The following KCNT2 variants were observed in gnomAD, a reference collection of about 807,000 sequenced individuals.
KCNT2 encodes potassium sodium-activated channel subfamily T member 2.
KCNT2 carries 67 observed loss-of-function variants against 153.8 expected under a neutral mutation model. The observed-to-expected ratio is 0.44, with a 90% CI of 0.36 to 0.53. The LOEUF is 0.53. Among genes scored for constraint, KCNT2 ranks in the 20% least tolerant of loss-of-function variants. The pLI is 0.00. For missense variants in KCNT2, 975 were observed against 1,354.8 expected (o/e 0.72, Z 4.40); for synonymous variants, 500 against 458.8 (o/e 1.09, Z -1.15).
chr1:196,349,739 G>C (rs1041426834), intron 14 of KCNT2, among the ~76,000 whole-genome samples: 1 of 150,186 alleles, frequency 6.7e-6, no homozygotes, highest in Non-Finnish European at 1.5e-5. Flanking sequence ...TAAGTTTTAG[G>C]GTACATGTGC....
In KCNT2 at chr1:196,381,207, A is replaced by G. The variant is rs574619915; in HGVS notation, c.1295-7959T>C. Among the ~76,000 whole-genome samples, 6 of 152,284 alleles carry G rather than the reference A, an allele frequency of 3.9e-5. 1 individual carries two copies. Among genetic ancestry groups the G allele is most frequent in the African/African-American group, 1.2e-4 (5 of 41,566 alleles). Reference sequence around the variant, plus strand: ...CTTTTTTGATGTTTCAGGCTATTAAATACTCAAAAGGGGGCTCAAATTTCC... The same window carrying G: ...CTTTTTTGATGTTTCAGGCTATTAAGTACTCAAAAGGGGGCTCAAATTTCC... On this transcript the variant is annotated intron_variant, in intron 13 of 27. Coordinates refer to ENST00000294725, the MANE Select transcript of KCNT2 (RefSeq NM_198503.5).
rs891628065 is a variant in KCNT2 at position 196,447,947 on chromosome 1, G to C, written c.638+17346C>G. On this transcript the variant is annotated intron_variant, in intron 8 of 27. Transcript: ENST00000294725. ...CTAACTCTTACCAAAGGTCTGGAAA[G>C]AGAATGATATTAGGAAAAGTTAAAT... 6.6e-5 allele frequency among the ~76,000 whole-genome samples: 10 copies of C among 151,122 alleles called. No individual in the cohort carries two copies. In the South Asian group the frequency reaches 1.0e-3, roughly 16 times the overall value.
At chr1:196,578,590 T>C (rs1437287741) in intron 1 of KCNT2, among the ~76,000 whole-genome samples, 1 of 152,192 alleles carries the variant, frequency 6.6e-6, no homozygotes, top group Non-Finnish European at 1.5e-5. Context: ...CTGCAGGGGC[T>C]ATGTTAAAGT....
intron 1 of KCNT2, among the ~76,000 whole-genome samples, chr1:196,511,442 A>G (rs1681621868): frequency 6.6e-6 from 1 of 152,226 alleles, no homozygotes; most frequent in African/African-American, 2.4e-5. Context: ...ATTCTTTCTT[A>G]CAGCAGAAAT....
intron 14 of KCNT2, among the ~76,000 whole-genome samples, chr1:196,359,208 T>G (rs2148261832): frequency 6.6e-6 from 1 of 152,134 alleles, no homozygotes; most frequent in South Asian, 2.1e-4. Context: ...CTAGGCACCT[T>G]GTACCCTCAA....
rs1681820272 is a variant in KCNT2 at position 196,513,662 on chromosome 1, C to T, written c.96-21321G>A. Among the ~76,000 whole-genome samples, 5 of 152,174 alleles carry T rather than the reference C, an allele frequency of 3.3e-5. No homozygotes were observed. In the South Asian group the frequency reaches 1.0e-3, roughly 32 times the overall value. ...CCTTCAGCTCTCACTTTCTATGCTT[C>T]CTGAACCTTCTTCCTCCCTAGTCTT... On this transcript the variant is annotated intron_variant, in intron 1 of 27. Coordinates refer to ENST00000294725, the MANE Select transcript of KCNT2 (RefSeq NM_198503.5).
intron 1 of KCNT2, among the ~76,000 whole-genome samples, chr1:196,512,348 T>G (rs1296045476): frequency 6.6e-6 from 1 of 152,118 alleles, no homozygotes; most frequent in African/African-American, 2.4e-5. Context: ...TCCAGCTCAA[T>G]CCATTTCCCC....
chr1:196,320,997 A>ATTT (rs145815049), intron 19 of KCNT2, among the ~76,000 whole-genome samples: 13 of 143,590 alleles, frequency 9.1e-5, no homozygotes, highest in African/African-American at 1.8e-4. Context: ...TTAAGCATTG[A>ATTT]TTTTTTTTTT....
intron 1 of KCNT2, among the ~76,000 whole-genome samples, chr1:196,588,383 A>T (rs995929144): frequency 7.9e-5 from 12 of 152,076 alleles, no homozygotes; most frequent in African/African-American, 2.7e-4. Flanking sequence ...CATGAATATT[A>T]TCTATTTTTA....
intron 13 of KCNT2, among the ~76,000 whole-genome samples, chr1:196,390,673 A>C (rs898827239): frequency 1.3e-5 from 2 of 148,808 alleles, no homozygotes; most frequent in Non-Finnish European, 3.0e-5. Flanking sequence ...GAATACTTGC[A>C]TTATTCTCAC....
chr1:196,357,370 T>C (rs1667258401), intron 14 of KCNT2, among the ~76,000 whole-genome samples: 1 of 151,996 alleles, frequency 6.6e-6, no homozygotes, highest in Non-Finnish European at 1.5e-5. Context: ...CATGTTTTAA[T>C]TTGCTTTATC....
intron 1 of KCNT2, among the ~76,000 whole-genome samples, chr1:196,514,252 A>T (rs1171303504): frequency 6.6e-6 from 1 of 152,204 alleles, no homozygotes; most frequent in African/African-American, 2.4e-5. Flanking sequence ...GCTATATAAA[A>T]GTTTGCTGTT....
At chr1:196,232,458 A>T (rs979167476) in intron 27 of KCNT2, among the ~76,000 whole-genome samples, 3 of 151,682 alleles carry the variant, frequency 2.0e-5, no homozygotes, top group African/African-American at 7.2e-5. Context: ...CAAATTTCTT[A>T]AACTGTGTTT....
At chr1:196,268,576 C>T (rs1170975436) in intron 25 of KCNT2, among the ~76,000 whole-genome samples, 1 of 152,108 alleles carries the variant, frequency 6.6e-6, no homozygotes, top group Non-Finnish European at 1.5e-5. Flanking sequence ...TGTCTCACTC[C>T]AGTTTTGATG....
intron 1 of KCNT2, among the ~76,000 whole-genome samples, chr1:196,518,042 C>T (rs866670202): frequency 6.6e-6 from 1 of 152,032 alleles, no homozygotes; most frequent in Non-Finnish European, 1.5e-5. Context: ...CATAGGAAAC[C>T]CCATGAGGCT....
At chr1:196,346,082 T>A (rs1666120649) in intron 14 of KCNT2, among the ~76,000 whole-genome samples, 1 of 152,080 alleles carries the variant, frequency 6.6e-6, no homozygotes, top group African/African-American at 2.4e-5. Context: ...AATAATATTC[T>A]TATACCTTTT....
intron 26 of KCNT2, among the ~76,000 whole-genome samples, chr1:196,236,945 T>C (rs1654496846): frequency 6.6e-6 from 1 of 151,360 alleles, no homozygotes; most frequent in Non-Finnish European, 1.5e-5. Context: ...GTTTTCAGTC[T>C]ATGAGAATTC....
chr1:196,244,152 C>T (rs1655211909), intron 26 of KCNT2, among the ~76,000 whole-genome samples: 1 of 152,034 alleles, frequency 6.6e-6, no homozygotes, highest in Non-Finnish European at 1.5e-5. Flanking sequence ...CATTACCTGC[C>T]AACTAAAGAG....
At chr1:196,534,477 G>T (rs1655309449) in intron 1 of KCNT2, among the ~76,000 whole-genome samples, 1 of 152,108 alleles carries the variant, frequency 6.6e-6, no homozygotes, top group African/African-American at 2.4e-5. Context: ...TACTTGAGCT[G>T]AAACAGAAAT....
Sources: gnomAD v4.1 joint callset for allele counts (sites outside exome capture counted in the v4.1 genomes callset) on GRCh38, gnomAD v4.1.1 for gene constraint, MANE v1.5 for transcripts, NCBI Gene and HGNC (gene_info 2026-07-23, HGNC 2026-07-21) for gene names.